The following FERMT2 variants were observed in gnomAD, a reference collection of about 807,000 sequenced individuals.
FERMT2 encodes the protein fermitin family homolog 2.
In FERMT2, 15 loss-of-function variants were observed where a neutral mutation model predicts 82.7. The ratio of observed to expected loss-of-function variants is 0.18; its 90% CI spans 0.12 to 0.28. The LOEUF (loss-of-function observed/expected upper bound fraction) is 0.28, where lower values mean the gene tolerates loss of function less well. Ranked by LOEUF, FERMT2 falls within the 10% of genes least tolerant of loss-of-function variation. The pLI, the probability that FERMT2 is intolerant of heterozygous loss-of-function variation, is 1.00. For missense variants in FERMT2, 645 were observed against 809.4 expected (o/e 0.80, Z 2.46); for synonymous variants, 274 against 271.5 (o/e 1.01, Z -0.09).
At chr14:52,869,884 T>G (rs1238302202) in intron 10 of FERMT2, among the ~76,000 whole-genome samples, 1 of 152,118 alleles carries the variant, frequency 6.6e-6, no homozygotes, top group Non-Finnish European at 1.5e-5. Flanking sequence ...ACAGTGATAT[T>G]GATGATCCCA....
chr14:52,894,339 G>C (rs1466572073), intron 3 of FERMT2, among the ~76,000 whole-genome samples: 5 of 152,126 alleles, frequency 3.3e-5, no homozygotes, highest in Non-Finnish European at 5.9e-5. Context: ...TTGTTAAGAA[G>C]TCAATTCTCC....
At chr14:52,892,169 T>TTG (rs1177286277) in intron 4 of FERMT2, among the ~76,000 whole-genome samples, 2 of 14,034 alleles carry the variant, frequency 1.4e-4, no homozygotes, top group Admixed American at 2.3e-3. Context: ...GTTTTTTGTT[T>TTG]TTTTTTTTTT....
intron 2 of FERMT2, among the ~76,000 whole-genome samples, chr14:52,936,848 A>C (rs769457030): frequency 6.6e-6 from 1 of 152,140 alleles, no homozygotes; most frequent in Non-Finnish European, 1.5e-5. Context: ...ACATTATAGT[A>C]ATTACTATTT....
intron 2 of FERMT2, among the ~76,000 whole-genome samples, chr14:52,929,596 A>G (rs1889469244): frequency 1.3e-5 from 2 of 152,168 alleles, no homozygotes; most frequent in African/African-American, 4.8e-5. Context: ...TAAGAATCAT[A>G]TAACTAAGCT....
intron 2 of FERMT2, among the ~76,000 whole-genome samples, chr14:52,940,198 C>T (rs928595861): frequency 2.6e-5 from 4 of 152,204 alleles, no homozygotes; most frequent in Non-Finnish European, 5.9e-5. Context: ...CCCAAGGATG[C>T]ACTGACACTG....
chr14:52,901,142 G>T (rs1034840933), intron 3 of FERMT2, among the ~76,000 whole-genome samples: 2 of 146,918 alleles, frequency 1.4e-5, no homozygotes, highest in Middle Eastern at 3.4e-3. Flanking sequence ...TTAGCTGGGC[G>T]TTGTGGCGGG....
At chr14:52,866,791 C>T (rs1885306361) in intron 10 of FERMT2, among the ~76,000 whole-genome samples, 1 of 152,154 alleles carries the variant, frequency 6.6e-6, no homozygotes, top group East Asian at 1.9e-4. Flanking sequence ...GAAGTTAAGT[C>T]CATCCATTTC....
intron 3 of FERMT2, among the ~76,000 whole-genome samples, chr14:52,917,657 G>A (rs576278052): frequency 1.8e-4 from 28 of 152,290 alleles, no homozygotes; most frequent in Non-Finnish European, 3.4e-4. Flanking sequence ...ATTGTAGGCG[G>A]GGAGGGAAGA....
At chr14:52,930,349 CTACA>C (rs1416468304) in intron 2 of FERMT2, among the ~76,000 whole-genome samples, 2 of 152,176 alleles carry the variant, frequency 1.3e-5, no homozygotes, top group South Asian at 2.1e-4. Context: ...CAGAAAAACA[CTACA>C]TAGTTAGGTT....
Position 52,911,442 on chromosome 14 carries a change from G to C in FERMT2, c.391+7681C>G, listed in dbSNP as rs183233039. ...TGAGGCGGGCGGATCACAAGGTCAG[G>C]AGATTGATACCATCCTGGCTAACAT... On this transcript the variant is annotated intron_variant, in intron 3 of 14. Transcript: ENST00000341590. Among the ~76,000 whole-genome samples, 9 of 152,132 alleles carry C rather than the reference G, an allele frequency of 5.9e-5. No homozygotes were observed. In the East Asian group the frequency reaches 1.4e-3, roughly 23 times the overall value.
chr14:52,938,739 G>C (rs1889960926), intron 2 of FERMT2, among the ~76,000 whole-genome samples: 1 of 152,086 alleles, frequency 6.6e-6, no homozygotes, highest in Non-Finnish European at 1.5e-5. Flanking sequence ...GCTAATTTTT[G>C]TATTTTTAGT....
chr14:52,918,801 T>C (rs1317503633), intron 3 of FERMT2, among the ~76,000 whole-genome samples: 1 of 152,166 alleles, frequency 6.6e-6, no homozygotes, highest in African/African-American at 2.4e-5. Context: ...AATCAAATAG[T>C]GACTTATGTG....
intron 3 of FERMT2, among the ~76,000 whole-genome samples, chr14:52,906,943 TA>T (rs1280112005): frequency 5.3e-5 from 3 of 56,378 alleles, no homozygotes; most frequent in African/African-American, 2.1e-4. Context: ...GGACATCAAT[TA>T]TTGGGGGGGG....
chr14:52,938,003 A>G (rs1313405800), intron 2 of FERMT2, among the ~76,000 whole-genome samples: 3 of 152,212 alleles, frequency 2.0e-5, no homozygotes, highest in Non-Finnish European at 4.4e-5. Context: ...TTTAATCCTT[A>G]CGACAACCCT....
chr14:52,947,142 A>G (rs1890393314), intron 2 of FERMT2, among the ~76,000 whole-genome samples: 1 of 152,194 alleles, frequency 6.6e-6, no homozygotes. Flanking sequence ...GCTTTCTTTT[A>G]AAAGATTAAT....
At chr14:52,921,879 T>C (rs567728818) in intron 2 of FERMT2, among the ~76,000 whole-genome samples, 1 of 152,278 alleles carries the variant, frequency 6.6e-6, no homozygotes, top group South Asian at 2.1e-4. Context: ...AGCTTTCAGA[T>C]AAGGAATATT....
chr14:52,945,020 C>A (rs1456951336), intron 2 of FERMT2, among the ~76,000 whole-genome samples: 1 of 152,112 alleles, frequency 6.6e-6, no homozygotes, highest in Admixed American at 6.5e-5. Context: ...CCTGTCTCAG[C>A]CTCCCGAGTA....
At chr14:52,899,191 T>C (rs1887473569) in intron 3 of FERMT2, among the ~76,000 whole-genome samples, 1 of 152,220 alleles carries the variant, frequency 6.6e-6, no homozygotes, top group Admixed American at 6.5e-5. Flanking sequence ...TAAAAATACA[T>C]GCTGGGACCA....
chr14:52,858,739 C>T, intron 14 of FERMT2, 189 bp from the exon 15 acceptor site: 1 of 521,544 alleles, frequency 1.9e-6, no homozygotes, highest in South Asian at 3.4e-5. Context: ...TATTGCCCTT[C>T]CCCTACACTT....
Sources: gnomAD v4.1 joint callset for allele counts (sites outside exome capture counted in the v4.1 genomes callset) on GRCh38, gnomAD v4.1.1 for gene constraint, MANE v1.5 for transcripts, NCBI Gene and HGNC (gene_info 2026-07-23, HGNC 2026-07-21) for gene names.